CADPS2: variants seen among roughly 807,000 people sequenced by gnomAD.
CADPS2 encodes the protein calcium-dependent secretion activator 2.
A neutral mutation model predicts 172.5 loss-of-function variants in CADPS2; 93 were observed. The observed-to-expected ratio is 0.54, with a 90% CI of 0.46 to 0.64. The LOEUF (loss-of-function observed/expected upper bound fraction) is 0.64, where lower values mean the gene tolerates loss of function less well. Among genes scored for constraint, CADPS2 ranks in the 30% least tolerant of loss-of-function variants. CADPS2 has a pLI of 0.00. For synonymous variants in CADPS2, 546 were observed against 555.2 expected (o/e 0.98, Z 0.23); for missense variants, 1,420 against 1,565.9 (o/e 0.91, Z 1.57).
At chr7:122,582,520 G>T (rs554111505) in intron 6 of CADPS2, among the ~76,000 whole-genome samples, 3 of 152,094 alleles carry the variant, frequency 2.0e-5, no homozygotes, top group African/African-American at 7.2e-5. Context: ...CCAGAATGGG[G>T]TTAGCAAAGA....
intron 8 of CADPS2, among the ~76,000 whole-genome samples, chr7:122,527,617 A>AGAGAGAGAGTGTGTGTGTGTGT: frequency 2.4e-5 from 2 of 83,804 alleles, no homozygotes; most frequent in South Asian, 4.4e-4. Flanking sequence ...AGAGAGAGAG[A>AGAGAGAGAGTGTGTGTGTGTGT]GTGTGTGTGT....
Position 122,886,295 on chromosome 7 carries a change from G to A in CADPS2, c.43C>T (p.Leu15=). 1 of 1,504,622 alleles carries A rather than the reference G, an allele frequency of 6.6e-7. No homozygotes were observed. The highest frequency in any genetic ancestry group is 8.8e-7 in the Non-Finnish European group (1 of 1,135,098). The allele number at this position is 1,504,622 out of a possible 1,614,324, so 93.2% of individuals were successfully genotyped here. Residue 15 remains leucine (L), a synonymous_variant, in exon 1 of 30, where the codon CTG becomes TTG. Transcript: ENST00000449022. Reference sequence around the variant, plus strand: ...AGCACATCGCGGCTTTCCTCTTCCAGCCCCTCGTCCGACTCCTCTTCGCTG... The same window carrying A: ...AGCACATCGCGGCTTTCCTCTTCCAACCCCTCGTCCGACTCCTCTTCGCTG... The part of the protein sequence containing the change: ...SSSEEESDEG[L]EEESRDVLVA...
chr7:122,324,407 G>T (rs1469131264), intron 29 of CADPS2, among the ~76,000 whole-genome samples: 2 of 152,138 alleles, frequency 1.3e-5, no homozygotes, highest in Non-Finnish European at 2.9e-5. Context: ...AACACAGTGG[G>T]TCTTTGAAAA....
At chr7:122,536,099 A>G (rs1246016589) in intron 8 of CADPS2, among the ~76,000 whole-genome samples, 1 of 152,096 alleles carries the variant, frequency 6.6e-6, no homozygotes, top group Admixed American at 6.6e-5. Flanking sequence ...TATAATGTAA[A>G]TTTATCTCCA....
At chr7:122,642,223 T>C (rs1177869148) in intron 3 of CADPS2, among the ~76,000 whole-genome samples, 1 of 147,836 alleles carries the variant, frequency 6.8e-6, no homozygotes, top group African/African-American at 2.5e-5. Context: ...GAGGTTGCAG[T>C]GAGCCTTCAT....
intron 2 of CADPS2, among the ~76,000 whole-genome samples, chr7:122,715,423 T>C (rs984204056): frequency 6.6e-6 from 1 of 152,108 alleles, no homozygotes; most frequent in African/African-American, 2.4e-5. Flanking sequence ...ATAAGACACA[T>C]GAATCCATGA....
At chr7:122,460,828 TTTG>T (rs1032837820) in intron 14 of CADPS2, among the ~76,000 whole-genome samples, 2 of 152,124 alleles carry the variant, frequency 1.3e-5, no homozygotes, top group African/African-American at 4.8e-5. Context: ...GACTAAATAA[TTTG>T]TTAACTGAAA....
At chr7:122,720,881 A>G (rs1394800494) in intron 2 of CADPS2, among the ~76,000 whole-genome samples, 1 of 152,038 alleles carries the variant, frequency 6.6e-6, no homozygotes, top group Non-Finnish European at 1.5e-5. Context: ...TTTTTTGTAC[A>G]TCAAAAATGG....
At chr7:122,548,466 C>T (rs2063852656) in intron 8 of CADPS2, among the ~76,000 whole-genome samples, 1 of 152,044 alleles carries the variant, frequency 6.6e-6, no homozygotes, top group African/African-American at 2.4e-5. Flanking sequence ...AAAACTAACT[C>T]ACCTGGTATG....
At chr7:122,404,283 G>A (rs1265779646) in intron 20 of CADPS2, among the ~76,000 whole-genome samples, 1 of 151,988 alleles carries the variant, frequency 6.6e-6, no homozygotes, top group Non-Finnish European at 1.5e-5. Context: ...TGAGAATGAT[G>A]GTTTCCAGCT....
chr7:122,413,924 A>C, intron 19 of CADPS2, 144 bp downstream of exon 19: 1 of 671,756 alleles, frequency 1.5e-6, no homozygotes, highest in Non-Finnish European at 2.5e-6. Context: ...AAATTAGCAC[A>C]TTCAAAGAAA....
In CADPS2 at chr7:122,841,520, T is replaced by C. The variant is rs530589255; in HGVS notation, c.339+44479A>G. On this transcript the variant is annotated intron_variant, in intron 1 of 29. Transcript: ENST00000449022. ...TGTATAAAATATGCTATAGTAGTGATAAATTTTAAAACCAACTTATCAAAG... is the reference window on the plus strand; with the variant it reads ...TGTATAAAATATGCTATAGTAGTGACAAATTTTAAAACCAACTTATCAAAG... Among the ~76,000 whole-genome samples, 13 of 152,338 alleles carry C rather than the reference T, an allele frequency of 8.5e-5. No individual in the cohort carries two copies. In the East Asian group the frequency reaches 2.1e-3, roughly 25 times the overall value.
At chr7:122,376,302 T>A (rs1009319651) in intron 25 of CADPS2, among the ~76,000 whole-genome samples, 1 of 152,150 alleles carries the variant, frequency 6.6e-6, no homozygotes, top group Non-Finnish European at 1.5e-5. Flanking sequence ...TTCTTCTCAA[T>A]AGGCAAGACT....
chr7:122,629,182 T>C (rs942616853), intron 4 of CADPS2, 66 bp downstream of exon 4: 1 of 1,326,646 alleles, frequency 7.5e-7, no homozygotes, highest in Non-Finnish European at 1.0e-6. Flanking sequence ...CAAAACACTT[T>C]TTCAGCTCAC....
In CADPS2 at chr7:122,560,924, T is replaced by G. The variant is rs1336034087; in HGVS notation, c.1336-6235A>C. 3.3e-5 allele frequency among the ~76,000 whole-genome samples: 5 copies of G among 152,184 alleles called. No homozygotes were observed. The East Asian group carries it at 7.7e-4, about 23-fold the overall frequency. Reference sequence around the variant, plus strand: ...ATGTTAATAACCACATATATTAATATTTGCCCCAATATCAGAACCCTTATA... The same window carrying G: ...ATGTTAATAACCACATATATTAATAGTTGCCCCAATATCAGAACCCTTATA... On this transcript the variant is annotated intron_variant, in intron 7 of 29. Coordinates refer to ENST00000449022, the MANE Select transcript of CADPS2 (RefSeq NM_017954.11).
intron 28 of CADPS2, among the ~76,000 whole-genome samples, chr7:122,342,094 T>C (rs148325396): frequency 1.3e-5 from 2 of 152,288 alleles, no homozygotes; most frequent in African/African-American, 2.4e-5. Flanking sequence ...AGATTTGATG[T>C]AAAAAAATTA....
intron 2 of CADPS2, among the ~76,000 whole-genome samples, chr7:122,720,350 T>C (rs2090212108): frequency 6.6e-6 from 1 of 151,828 alleles, no homozygotes; most frequent in African/African-American, 2.4e-5. Context: ...TGTATATTCT[T>C]AAATATACTT....
intron 2 of CADPS2, among the ~76,000 whole-genome samples, chr7:122,695,612 C>G (rs2084970815): frequency 6.6e-6 from 1 of 152,190 alleles, no homozygotes; most frequent in Non-Finnish European, 1.5e-5. Context: ...ACTCAGCAGA[C>G]AGTTCCCATT....
rs1455856027 is a variant in CADPS2 at position 122,727,280 on chromosome 7, C to T, written c.453+9675G>A. Among the ~76,000 whole-genome samples, 3 of 151,810 alleles carry T rather than the reference C, an allele frequency of 2.0e-5. No homozygotes were observed. In the East Asian group the frequency reaches 5.8e-4, roughly 30 times the overall value. ...AGGTCCTACCTTTGCAATGTGTTAG[C>T]TCTAAACTGAGCAGCCTTTCCTTGG... On this transcript the variant is annotated intron_variant, in intron 2 of 29. Coordinates refer to ENST00000449022, the MANE Select transcript of CADPS2 (RefSeq NM_017954.11).
Sources: gnomAD v4.1 joint callset for allele counts (sites outside exome capture counted in the v4.1 genomes callset) on GRCh38, gnomAD v4.1.1 for gene constraint, MANE v1.5 for transcripts, NCBI Gene and HGNC (gene_info 2026-07-23, HGNC 2026-07-21) for gene names.